PCDHA11: variants seen among roughly 807,000 people sequenced by gnomAD.
PCDHA11 encodes protocadherin alpha-11.
PCDHA11 carries 61 observed loss-of-function variants against 70.3 expected under a neutral mutation model. The ratio of observed to expected loss-of-function variants is 0.87; its 90% CI spans 0.71 to 1.07. The LOEUF is 1.07. Among genes scored for constraint, PCDHA11 ranks in the 50% least tolerant of loss-of-function variants. PCDHA11 has a pLI of 0.00. For synonymous variants in PCDHA11, 633 were observed against 555.1 expected (o/e 1.14, Z -1.97); for missense variants, 1,324 against 1,237.5 (o/e 1.07, Z -1.05).
At chr5:140,962,710 T>C (rs2095702479) in intron 1 of PCDHA11, among the ~76,000 whole-genome samples, 1 of 152,246 alleles carries the variant, frequency 6.6e-6, no homozygotes, top group South Asian at 2.1e-4. Context: ...ATAATCATAT[T>C]GGAAAGTATT....
Position 141,009,803 on chromosome 5 carries a change from C to G in PCDHA11, c.2716C>G (p.Gln906Glu). 6.2e-7 allele frequency: 1 copy of G among 1,613,968 alleles called. No individual in the cohort carries two copies. The highest frequency in any genetic ancestry group is 8.5e-7 in the Non-Finnish European group (1 of 1,179,994). ...CATCCGGCAGGAGCCTACTAACAGC[C>G]AAATTGACAAAAGTGACTTCATAAC... ...ISIRQEPTNS[Q>E]IDKSDFITFG... Residue 906 changes from glutamine to glutamate, a missense_variant, in exon 4 of 4, where the codon CAA (glutamine) becomes GAA (glutamate). Physicochemically the swap from Gln to Glu is conservative, Grantham distance 29 (BLOSUM62 2). Coordinates refer to ENST00000398640, the MANE Select transcript of PCDHA11 (RefSeq NM_018902.5).
intron 1 of PCDHA11, chr5:140,969,555 C>A: frequency 1.6e-6 from 2 of 1,213,380 alleles, no homozygotes; most frequent in Non-Finnish European, 2.2e-6. Flanking sequence ...GAAGCCTTGT[C>A]CATAAAATTG....
At chr5:140,941,255 C>CTTTCTT (rs782490896) in intron 1 of PCDHA11, among the ~76,000 whole-genome samples, 957 of 44,428 alleles carry the variant, frequency 0.022, 12 homozygotes, top group African/African-American at 0.028. Flanking sequence ...TTCTTTCTTT[C>CTTTCTT]TCTTTCTTTC....
intron 1 of PCDHA11, among the ~76,000 whole-genome samples, chr5:140,897,463 T>C (rs573452029): frequency 6.6e-6 from 1 of 151,924 alleles, no homozygotes; most frequent in African/African-American, 2.4e-5. Flanking sequence ...CTTGCGATAG[T>C]TTACTGAGAA....
chr5:140,968,866 A>G, intron 1 of PCDHA11: 1 of 1,614,230 alleles, frequency 6.2e-7, no homozygotes, highest in Non-Finnish European at 8.5e-7. Flanking sequence ...GCCCTCGGAC[A>G]TACTCTGAAA....
intron 1 of PCDHA11, among the ~76,000 whole-genome samples, chr5:140,920,012 G>A (rs531392984): frequency 2.6e-5 from 4 of 152,314 alleles, no homozygotes; most frequent in East Asian, 1.9e-4. Context: ...AAGGCCATGC[G>A]AAGATGGAGA....
intron 1 of PCDHA11, among the ~76,000 whole-genome samples, chr5:140,900,906 G>C (rs2068354860): frequency 6.6e-6 from 1 of 152,096 alleles, no homozygotes; most frequent in African/African-American, 2.4e-5. Context: ...CATTTTAACT[G>C]TGGTAAGATG....
intron 1 of PCDHA11, chr5:140,877,883 A>T: frequency 1.4e-6 from 2 of 1,460,312 alleles, no homozygotes; most frequent in East Asian, 2.5e-5. Context: ...TCCTTGAAGA[A>T]CTTCCGTTTA....
rs1554178015 is a variant in PCDHA11 at position 140,883,392 on chromosome 5, C to A, written c.2391+11898C>A. 1.9e-6 allele frequency: 3 copies of A among 1,614,184 alleles called. No individual in the cohort carries two copies. The East Asian group carries it at 6.7e-5, about 36-fold the overall frequency. ...GCCATTATTGCCCTAATCAGTGTGT[C>A]CGATCGTGACTCTGGCTCAAATGGA... is the stretch of plus-strand genomic sequence containing the variant. On this transcript the variant is annotated intron_variant, in intron 1 of 3. Transcript: ENST00000398640.
chr5:140,988,623 T>C (rs147544785), intron 3 of PCDHA11, among the ~76,000 whole-genome samples: 188 of 152,312 alleles, frequency 1.2e-3, no homozygotes, highest in African/African-American at 3.6e-3. Context: ...AGAATGGAGA[T>C]GTCCTGGTTT....
At chr5:140,926,139 C>A (rs1434952263) in intron 1 of PCDHA11, among the ~76,000 whole-genome samples, 11 of 152,088 alleles carry the variant, frequency 7.2e-5, no homozygotes, top group Non-Finnish European at 1.5e-4. Flanking sequence ...GCAGCAGGAT[C>A]CAGCGCGGAA....
intron 2 of PCDHA11, among the ~76,000 whole-genome samples, chr5:140,980,036 G>T (rs952735379): frequency 6.6e-6 from 1 of 152,176 alleles, no homozygotes; most frequent in African/African-American, 2.4e-5. Context: ...ATTACATTGG[G>T]TGCTATTTCT....
chr5:140,929,311 A>G lies in PCDHA11; in HGVS notation c.2392-49638A>G, dbSNP rs782099747. The stretch of plus-strand genomic sequence containing the variant: ...TCGGAATAGGAAAGGGGATCACGCT[A>G]ATGTCAATGCCATGGTAAGCAAATT... On this transcript the variant is annotated intron_variant, in intron 1 of 3. Coordinates refer to ENST00000398640, the MANE Select transcript of PCDHA11 (RefSeq NM_018902.5). The G allele has an allele frequency of 1.9e-6, 3 of 1,567,640 alleles. No individual in the cohort carries two copies. The South Asian group carries it at 3.5e-5, about 18-fold the overall frequency.
intron 1 of PCDHA11, among the ~76,000 whole-genome samples, chr5:140,892,021 G>A (rs2063355611): frequency 6.6e-6 from 1 of 152,160 alleles, no homozygotes; most frequent in Admixed American, 6.5e-5. Context: ...AGCACAAATG[G>A]TCTAAGATAC....
chr5:140,928,642 G>C, intron 1 of PCDHA11: 1 of 1,614,232 alleles, frequency 6.2e-7, no homozygotes, highest in African/African-American at 1.3e-5. Flanking sequence ...CACAAAAGTG[G>C]TAGCAGAGGA....
chr5:140,878,047 G>A lies in PCDHA11; in HGVS notation c.2391+6553G>A, dbSNP rs574540860. On this transcript the variant is annotated intron_variant, in intron 1 of 3. Transcript: ENST00000398640. Reference sequence around the variant, plus strand: ...ATGTAGGTACAATGGAGGCCATGGAGCACCACACTTAATATTTTTCTTTTT... The same window carrying A: ...ATGTAGGTACAATGGAGGCCATGGAACACCACACTTAATATTTTTCTTTTT... The A allele has an allele frequency of 1.7e-4, 84 of 491,464 alleles. No homozygotes were observed. In the South Asian group the frequency reaches 4.9e-3, roughly 29 times the overall value. 30.4% of individuals were successfully genotyped at this position (491,464 alleles called of 1,614,324 possible).
intron 1 of PCDHA11, among the ~76,000 whole-genome samples, chr5:140,890,337 A>G (rs1256335004): frequency 3.3e-5 from 5 of 152,192 alleles, no homozygotes; most frequent in African/African-American, 1.2e-4. Flanking sequence ...GGTAGTTGGG[A>G]TGGTTTACTA....
intron 1 of PCDHA11, chr5:140,966,824 A>T: frequency 1.3e-6 from 2 of 1,559,992 alleles, no homozygotes; most frequent in Non-Finnish European, 1.7e-6. Flanking sequence ...CCGGCGGCCC[A>T]TGCCCTGGCT....
chr5:140,870,227 A>G lies in PCDHA11; in HGVS notation c.1124A>G (p.Asp375Gly). ...STVIALISVS[D>G]RDSGVNGQVT... is the part of the protein sequence containing the mutation. ...GTCATTGCCCTGATCAGCGTGTCTG[A>G]CCGTGACTCAGGTGTCAACGGACAG... The change falls in exon 1 of 4, where the codon GAC (aspartate) becomes GGC (glycine). Residue 375 changes from aspartate (D) to glycine (G), a missense_variant. Coordinates refer to ENST00000398640, the MANE Select transcript of PCDHA11 (RefSeq NM_018902.5). 1 of 1,614,142 alleles carries G rather than the reference A, an allele frequency of 6.2e-7. No individual in the cohort carries two copies. The highest frequency in any genetic ancestry group is 8.5e-7 in the Non-Finnish European group (1 of 1,180,036).
Sources: gnomAD v4.1 joint callset for allele counts (sites outside exome capture counted in the v4.1 genomes callset) on GRCh38, gnomAD v4.1.1 for gene constraint, MANE v1.5 for transcripts, NCBI Gene and HGNC (gene_info 2026-07-23, HGNC 2026-07-21) for gene names.